The following GABRB3 variants were observed in gnomAD, a reference collection of about 807,000 sequenced individuals.
GABRB3 encodes gamma-aminobutyric acid receptor subunit beta-3.
GABRB3 carries 14 observed loss-of-function variants against 52.1 expected under a neutral mutation model. That is an observed-to-expected ratio of 0.27 (90% CI 0.18 to 0.42). GABRB3 has a LOEUF of 0.42. GABRB3 is among the 10% of genes least tolerant of loss of function. GABRB3 has a pLI of 1.00. For synonymous variants in GABRB3, 260 were observed against 232.3 expected, an observed-to-expected ratio of 1.12 and a Z score of -1.08; for missense variants, 307 against 609.1, an observed-to-expected ratio of 0.50 and a Z score of 5.22.
At chr15:26,758,883 T>A (rs1263793366) in intron 3 of GABRB3, among the ~76,000 whole-genome samples, 1 of 152,214 alleles carries the variant, frequency 6.6e-6, no homozygotes, top group African/African-American at 2.4e-5. Flanking sequence ...CTCTTTACAT[T>A]GTAATTTCTT....
chr15:26,559,078 C>T (rs147100660), intron 8 of GABRB3, among the ~76,000 whole-genome samples: 3 of 152,220 alleles, frequency 2.0e-5, no homozygotes, highest in East Asian at 1.9e-4. Context: ...CATGATAAAC[C>T]GCCCTCATGA....
In GABRB3 at chr15:26,621,260, T is replaced by G; in HGVS notation, c.461+54A>C. The G allele has an allele frequency of 7.6e-7, 1 of 1,314,188 alleles. No homozygotes were observed. Among genetic ancestry groups the G allele is most frequent in the Non-Finnish European group, 1.1e-6 (1 of 908,050 alleles). 81.4% of individuals were successfully genotyped at this position (1,314,188 alleles called of 1,614,324 possible). ...ACAATAATCATCTCAAGTGAGATAT[T>G]CAACACCCATGCACCATGCAACAGC... On this transcript the variant is annotated intron_variant, in intron 4 of 8. Transcript: ENST00000311550. This position sits in a 1 kb window ranked among gnomAD's most constrained non-coding sequence, Gnocchi z 4.1.
At chr15:26,772,233 G>A in intron 3 of GABRB3, 169 bp downstream of exon 3, 2 of 552,472 alleles carry the variant, frequency 3.6e-6, no homozygotes, top group South Asian at 2.5e-5. Context: ...CGGGGCGGGT[G>A]CAGGGAGCCG....
At chr15:26,683,430 A>G (rs1031783361) in intron 3 of GABRB3, among the ~76,000 whole-genome samples, 11 of 152,064 alleles carry the variant, frequency 7.2e-5, no homozygotes, top group African/African-American at 2.7e-4. Context: ...GGGCTACCCA[A>G]TTGGTCTGTT....
At chr15:26,613,070 T>C (rs1892129331) in intron 4 of GABRB3, 1 of 152,396 alleles carries the variant, frequency 6.6e-6, no homozygotes, top group African/African-American at 2.4e-5. Flanking sequence ...TGAACCATGA[T>C]TGTGCCACTG....
At chr15:26,620,509 G>A (rs377598428) in intron 4 of GABRB3, among the ~76,000 whole-genome samples, 2 of 152,322 alleles carry the variant, frequency 1.3e-5, no homozygotes, top group Middle Eastern at 3.4e-3. Flanking sequence ...AACACTGAGA[G>A]CCACTGCTAG....
intron 4 of GABRB3, among the ~76,000 whole-genome samples, chr15:26,590,627 T>G (rs1891161951): frequency 6.6e-6 from 1 of 152,256 alleles, no homozygotes; most frequent in Admixed American, 6.5e-5. Flanking sequence ...CATAGGCCAA[T>G]GTTTCGTTTA....
chr15:26,621,582 G>A lies in GABRB3; in HGVS notation c.241-48C>T, dbSNP rs1240381808. The A allele has an allele frequency of 6.7e-7, 1 of 1,500,762 alleles. No individual in the cohort carries two copies. Among genetic ancestry groups the A allele is most frequent in the Non-Finnish European group, 9.2e-7 (1 of 1,083,326 alleles). The allele number at this position is 1,500,762 out of a possible 1,614,324, so 93.0% of individuals were successfully genotyped here. ...AAAGTTAGTTTGTACCCAGCCACAGGTGTATTTCCTCCACGACCAGCCAAA... is the reference window on the plus strand; with the variant it reads ...AAAGTTAGTTTGTACCCAGCCACAGATGTATTTCCTCCACGACCAGCCAAA... On this transcript the variant is annotated intron_variant, in intron 3 of 8. Coordinates refer to ENST00000311550, the MANE Select transcript of GABRB3 (RefSeq NM_000814.6). The surrounding 1 kb of genome is among the most constrained non-coding windows in gnomAD (Gnocchi z 4.1).
At chr15:26,757,987 T>C (rs914148087) in intron 3 of GABRB3, among the ~76,000 whole-genome samples, 1 of 152,088 alleles carries the variant, frequency 6.6e-6, no homozygotes, top group African/African-American at 2.4e-5. Context: ...GGCTCCACTA[T>C]CAGTATAATG....
chr15:26,621,998 G>A lies in GABRB3; in HGVS notation c.241-464C>T, dbSNP rs35521364. On this transcript the variant is annotated intron_variant, in intron 3 of 8. Transcript: ENST00000311550. This position sits in a 1 kb window ranked among gnomAD's most constrained non-coding sequence, Gnocchi z 4.1. ...TTCCTCTGGTTCTGCCCTCCATGAG[G>A]GCTATAAATACAAACCTTCCATAAA... Among the ~76,000 whole-genome samples, 54,943 of 151,912 alleles carry A rather than the reference G, an allele frequency of 0.36. 10,631 individuals carry two copies. Among genetic ancestry groups the A allele is most frequent in the Middle Eastern group, 0.47 (138 of 294 alleles).
chr15:26,629,275 T>A, intron 3 of GABRB3: 2 of 1,090,964 alleles, frequency 1.8e-6, no homozygotes, highest in East Asian at 2.9e-5. Context: ...AGGCGTGGTC[T>A]GTGGCTCGAG....
intron 3 of GABRB3, among the ~76,000 whole-genome samples, chr15:26,767,697 T>C (rs894631099): frequency 6.6e-6 from 1 of 152,156 alleles, no homozygotes; most frequent in Non-Finnish European, 1.5e-5. Context: ...ACTGTGTTCA[T>C]TCAGCACTCA....
intron 3 of GABRB3, among the ~76,000 whole-genome samples, chr15:26,702,007 T>C (rs773092741): frequency 3.3e-5 from 5 of 152,290 alleles, no homozygotes; most frequent in Non-Finnish European, 5.9e-5. Context: ...CTAGACTAAT[T>C]TGACATCTGT....
rs192478554 is a variant in GABRB3 at position 26,640,272 on chromosome 15, C to T, written c.241-18738G>A. On this transcript the variant is annotated intron_variant, in intron 3 of 8. Coordinates refer to ENST00000311550, the MANE Select transcript of GABRB3 (RefSeq NM_000814.6). ...GTGGCTCATGCCTGTAATACCAGCA[C>T]TTTGGGAGGCCGAGGCAGGCAGATC... Among the ~76,000 whole-genome samples the T allele has an allele frequency of 1.9e-3, 285 of 152,244 alleles. 1 individual carries two copies. The highest frequency in any genetic ancestry group is 5.2e-3 in the African/African-American group (214 of 41,552).
rs1430247280 is a variant in GABRB3, at chr15:26,545,817, C to G, written c.*1976G>C. 1 of 152,350 alleles carries G rather than the reference C, an allele frequency of 6.6e-6. No homozygotes were observed. Among genetic ancestry groups the G allele is most frequent in the Non-Finnish European group, 1.5e-5 (1 of 68,002 alleles). 9.4% of individuals were successfully genotyped at this position (152,350 alleles called of 1,614,324 possible). A position where few individuals can be genotyped will look rare whatever the true frequency, so the allele number is the denominator to read the frequency against. The stretch of plus-strand genomic sequence containing the variant: ...GGCTAGTCTCCAGATGAAAATAAAA[C>G]CAGAGAGCAGCGATTAGGAGGAAAA... On this transcript the variant is annotated 3_prime_UTR_variant, in exon 9 of 9. Coordinates refer to ENST00000311550, the MANE Select transcript of GABRB3 (RefSeq NM_000814.6).
At chr15:26,677,332 T>A (rs1888101259) in intron 3 of GABRB3, among the ~76,000 whole-genome samples, 1 of 152,172 alleles carries the variant, frequency 6.6e-6, no homozygotes, top group East Asian at 1.9e-4. Context: ...ATAGAAGAGA[T>A]CATACAAATC....
At chr15:26,695,269 A>G (rs1327031615) in intron 3 of GABRB3, among the ~76,000 whole-genome samples, 1 of 152,190 alleles carries the variant, frequency 6.6e-6, no homozygotes, top group Non-Finnish European at 1.5e-5. Flanking sequence ...CAAGAAAGTC[A>G]GAAGGAAAAA....
At chr15:26,552,533 G>A (rs1188871243) in intron 8 of GABRB3, among the ~76,000 whole-genome samples, 1 of 152,166 alleles carries the variant, frequency 6.6e-6, no homozygotes. Flanking sequence ...CCCTTGTGCA[G>A]GCCACCTAGG....
chr15:26,716,578 C>G (rs1205490279), intron 3 of GABRB3: 7 of 992,712 alleles, frequency 7.1e-6, no homozygotes, highest in African/African-American at 1.7e-5. Flanking sequence ...TTCTCACAGC[C>G]TGCCTCACAT....
Sources: allele counts gnomAD v4.1 joint callset (sites outside exome capture counted in the v4.1 genomes callset), GRCh38; gene constraint gnomAD v4.1.1; non-coding constraint Gnocchi (gnomAD v3.1); transcripts MANE v1.5; gene names NCBI Gene and HGNC (gene_info 2026-07-23, HGNC 2026-07-21).